ZNF385D: variants seen among roughly 807,000 people sequenced by gnomAD.
ZNF385D encodes the protein zinc finger protein 385D.
In ZNF385D, 15 loss-of-function variants were observed where a neutral mutation model predicts 35.8. That is an observed-to-expected ratio of 0.42 (90% CI 0.28 to 0.64). The LOEUF (loss-of-function observed/expected upper bound fraction) is 0.64, where lower values mean the gene tolerates loss of function less well. Among genes scored for constraint, ZNF385D ranks in the 30% least tolerant of loss-of-function variants. The probability of loss-of-function intolerance (pLI) is 0.23; values close to 1 mark genes in which losing one functional copy is unlikely to be tolerated. For synonymous variants in ZNF385D, 212 were observed against 186.8 expected (o/e 1.13, Z -1.10); for missense variants, 474 against 494.6 (o/e 0.96, Z 0.39).
chr3:21,784,760 A>G (rs1051164337), intron 3 of ZNF385D, among the ~76,000 whole-genome samples: 5 of 152,134 alleles, frequency 3.3e-5, no homozygotes, highest in Non-Finnish European at 7.4e-5. Context: ...AACCTATAAC[A>G]AAGAAAATAT....
chr3:21,765,435 T>A (rs1312282670), intron 3 of ZNF385D, among the ~76,000 whole-genome samples: 1 of 152,032 alleles, frequency 6.6e-6, no homozygotes, highest in Non-Finnish European at 1.5e-5. Flanking sequence ...CTGATTTGAT[T>A]AGGATGGCTT....
chr3:21,805,866 C>T (rs2072618379), intron 3 of ZNF385D, among the ~76,000 whole-genome samples: 1 of 152,098 alleles, frequency 6.6e-6, no homozygotes, highest in South Asian at 2.1e-4. Flanking sequence ...AACCATTTTT[C>T]CCTGGATAAT....
chr3:22,080,066 G>C (rs1193410901), intron 3 of ZNF385D, among the ~76,000 whole-genome samples: 1 of 152,068 alleles, frequency 6.6e-6, no homozygotes, highest in East Asian at 1.9e-4. Context: ...TGTTAATGAA[G>C]ACACAAAATG....
chr3:21,601,201 C>A (rs1409639974), intron 2 of ZNF385D, among the ~76,000 whole-genome samples: 1 of 152,110 alleles, frequency 6.6e-6, no homozygotes, highest in Non-Finnish European at 1.5e-5. Flanking sequence ...CTTGATGGGG[C>A]ACCAAATTAT....
chr3:21,672,533 G>A (rs2066607758), intron 1 of ZNF385D, among the ~76,000 whole-genome samples: 1 of 152,020 alleles, frequency 6.6e-6, no homozygotes, highest in Admixed American at 6.6e-5. Context: ...ATGAGTCAGG[G>A]CAATTGGAGC....
chr3:21,557,824 CT>C (rs2062794828), intron 3 of ZNF385D, among the ~76,000 whole-genome samples: 1 of 152,096 alleles, frequency 6.6e-6, no homozygotes. Flanking sequence ...TATTAATTAA[CT>C]GCCTCAATTT....
chr3:22,058,714 A>AT (rs1015509607), intron 3 of ZNF385D, among the ~76,000 whole-genome samples: 1 of 152,216 alleles, frequency 6.6e-6, no homozygotes, highest in African/African-American at 2.4e-5. Context: ...ACTCTAAAAC[A>AT]TTTTTTATTG....
rs371189833 is a variant in ZNF385D, at chr3:22,063,867, C to T, written c.325+104950G>A. Among the ~76,000 whole-genome samples the T allele has an allele frequency of 3.9e-5, 6 of 152,218 alleles. No individual in the cohort carries two copies. In the East Asian group the frequency reaches 7.7e-4, roughly 20 times the overall value. ...GTTATCCAAGCTCCAGAGCTCCTTACGGGCTGGCTGAGGCCTTTGTTTTGA... is the reference window on the plus strand; with the variant it reads ...GTTATCCAAGCTCCAGAGCTCCTTATGGGCTGGCTGAGGCCTTTGTTTTGA... On this transcript the variant is annotated intron_variant, in intron 3 of 5. Coordinates refer to the ZNF385D transcript ENST00000494108.
At chr3:21,716,872 C>T (rs1432441764) in intron 1 of ZNF385D, among the ~76,000 whole-genome samples, 1 of 151,972 alleles carries the variant, frequency 6.6e-6, no homozygotes, top group Non-Finnish European at 1.5e-5. Flanking sequence ...ACCTGTAATC[C>T]CAGGACTTTG....
chr3:21,751,120 A>C lies in ZNF385D; in HGVS notation c.-204T>G. 1 of 1,465,930 alleles carries C rather than the reference A, an allele frequency of 6.8e-7. No individual in the cohort carries two copies. Among genetic ancestry groups the C allele is most frequent in the Non-Finnish European group, 9.0e-7 (1 of 1,109,330 alleles). 90.8% of individuals were successfully genotyped at this position (1,465,930 alleles called of 1,614,324 possible). A position where few individuals can be genotyped will look rare whatever the true frequency, so the allele number is the denominator to read the frequency against. On this transcript the variant is annotated 5_prime_UTR_variant, in exon 1 of 8. Coordinates refer to ENST00000281523, the MANE Select transcript of ZNF385D (RefSeq NM_024697.3). ...GGGCTAAGATCCCCGGCGGCTGGAGAGTGCGCTCGGGCTGCCTGCTGCACT... is the reference window on the plus strand; with the variant it reads ...GGGCTAAGATCCCCGGCGGCTGGAGCGTGCGCTCGGGCTGCCTGCTGCACT...
intron 3 of ZNF385D, among the ~76,000 whole-genome samples, chr3:21,992,457 T>G (rs1163061052): frequency 2.6e-5 from 4 of 152,176 alleles, no homozygotes; most frequent in African/African-American, 9.7e-5. Context: ...TATATTATCA[T>G]CATCCATCAC....
intron 3 of ZNF385D, chr3:21,511,538 A>T: frequency 2.7e-6 from 1 of 373,430 alleles, no homozygotes; most frequent in East Asian, 7.2e-5. Context: ...GAAGCTTTAG[A>T]GTTCAAAAGC....
intron 2 of ZNF385D, among the ~76,000 whole-genome samples, chr3:22,188,948 G>C (rs1398416401): frequency 6.6e-6 from 1 of 152,110 alleles, no homozygotes; most frequent in African/African-American, 2.4e-5. Context: ...CAATCCAGCT[G>C]GATTGCTGCT....
chr3:22,038,997 T>C (rs1698502939), intron 3 of ZNF385D, among the ~76,000 whole-genome samples: 1 of 151,450 alleles, frequency 6.6e-6, no homozygotes, highest in African/African-American at 2.4e-5. Context: ...ATTTTATCTT[T>C]CATTTTAACA....
chr3:22,105,423 A>G (rs1702155632), intron 3 of ZNF385D, among the ~76,000 whole-genome samples: 1 of 152,140 alleles, frequency 6.6e-6, no homozygotes, highest in South Asian at 2.1e-4. Context: ...ATACATGTAC[A>G]TATACATACA....
chr3:21,719,568 T>C (rs1313333599), intron 1 of ZNF385D, among the ~76,000 whole-genome samples: 9 of 152,176 alleles, frequency 5.9e-5, no homozygotes, highest in Non-Finnish European at 1.2e-4. Context: ...TGGGTAGAGA[T>C]TTAAGATGCT....
At chr3:22,183,098 A>G (rs1695393794) in intron 2 of ZNF385D, among the ~76,000 whole-genome samples, 1 of 152,146 alleles carries the variant, frequency 6.6e-6, no homozygotes, top group Admixed American at 6.6e-5. Flanking sequence ...TTATTAATTG[A>G]AGGTGGTTTT....
intron 3 of ZNF385D, among the ~76,000 whole-genome samples, chr3:22,039,336 A>G (rs749145726): frequency 2.8e-4 from 43 of 151,484 alleles, no homozygotes; most frequent in Admixed American, 2.8e-3. Flanking sequence ...AGAAAATGTC[A>G]ACTTCCTAAA....
intron 3 of ZNF385D, among the ~76,000 whole-genome samples, chr3:21,849,423 C>T (rs1696231636): frequency 1.3e-5 from 2 of 151,982 alleles, no homozygotes; most frequent in Admixed American, 1.3e-4. Context: ...AATGTGACAT[C>T]TGAATATTCC....
Sources: allele counts gnomAD v4.1 joint callset (sites outside exome capture counted in the v4.1 genomes callset), GRCh38; gene constraint gnomAD v4.1.1; transcripts MANE v1.5; gene names NCBI Gene and HGNC (gene_info 2026-07-23, HGNC 2026-07-21).